The following GKAP1 variants were observed in gnomAD, a reference collection of about 807,000 sequenced individuals.
The protein encoded by GKAP1 is G kinase anchoring protein 1, also known as G kinase-anchoring protein 1.
Under a neutral mutation model 56.7 loss-of-function variants are expected in GKAP1, and 31 were observed. The observed-to-expected ratio is 0.55, with a 90% confidence interval of 0.41 to 0.74. GKAP1 has a LOEUF of 0.74. Ranked by LOEUF, GKAP1 falls within the 30% of genes least tolerant of loss-of-function variation. The pLI is 0.00. For synonymous variants in GKAP1, 151 were observed against 138.6 expected, an observed-to-expected ratio of 1.09 and a Z score of -0.63; for missense variants, 364 against 402.3, an observed-to-expected ratio of 0.90 and a Z score of 0.82.
intron 3 of GKAP1, among the ~76,000 whole-genome samples, chr9:83,802,953 C>A (rs921657409): frequency 1.3e-5 from 2 of 151,506 alleles, no homozygotes; most frequent in African/African-American, 4.9e-5. Context: ...ACCAAAAATA[C>A]AAAAAATTAG....
intron 3 of GKAP1, among the ~76,000 whole-genome samples, chr9:83,804,369 G>C (rs1239362312): frequency 1.1e-4 from 7 of 66,534 alleles, no homozygotes; most frequent in African/African-American, 1.8e-4. Context: ...CCCCCGCCCG[G>C]CCAGCCGCCC....
At position 83,801,563 on chromosome 9, in the gene GKAP1, G is replaced by A. The variant is rs1944332169; in HGVS notation, c.217-2235C>T. On this transcript the variant is annotated intron_variant, in intron 3 of 12. Coordinates refer to ENST00000376371, the MANE Select transcript of GKAP1 (RefSeq NM_025211.4). ...ATAGAAACACCACTGTAAGTAGCTG[G>A]TTTCTGATTTGGAAAGGACATTCAG... is the stretch of plus-strand genomic sequence containing the variant. 2.0e-5 allele frequency among the ~76,000 whole-genome samples: 3 copies of A among 152,248 alleles called. No individual in the cohort carries two copies. The South Asian group carries it at 6.2e-4, about 32-fold the overall frequency.
chr9:83,790,706 G>A (rs145671753), intron 4 of GKAP1, among the ~76,000 whole-genome samples: 2,064 of 152,096 alleles, frequency 0.014, 29 homozygotes, highest in Middle Eastern at 0.024. Flanking sequence ...CCAGCTACTC[G>A]GGAGGCTGAG....
intron 7 of GKAP1, among the ~76,000 whole-genome samples, chr9:83,779,612 T>TACACACACACAC (rs10546262): frequency 1.0e-4 from 13 of 127,380 alleles, no homozygotes; most frequent in East Asian, 6.8e-4. Flanking sequence ...TATACACATA[T>TACACACACACAC]ACACACACAC....
intron 4 of GKAP1, among the ~76,000 whole-genome samples, chr9:83,798,443 A>G (rs929532057): frequency 8.5e-5 from 13 of 152,232 alleles, no homozygotes; most frequent in African/African-American, 2.9e-4. Flanking sequence ...AATATCATGT[A>G]AACAGGTTAA....
At chr9:83,766,024 C>T (rs1943658099) in intron 8 of GKAP1, among the ~76,000 whole-genome samples, 1 of 152,140 alleles carries the variant, frequency 6.6e-6, no homozygotes, top group South Asian at 2.1e-4. Context: ...GCTGTGTCCC[C>T]ACCTGAATGT....
chr9:83,773,372 G>T (rs1406508299), intron 7 of GKAP1, among the ~76,000 whole-genome samples: 1 of 152,176 alleles, frequency 6.6e-6, no homozygotes, highest in African/African-American at 2.4e-5. Context: ...GAAGGTGGGA[G>T]TAGGGATTGA....
intron 3 of GKAP1, among the ~76,000 whole-genome samples, chr9:83,804,244 G>C (rs1265043221): frequency 1.3e-5 from 2 of 148,420 alleles, no homozygotes; most frequent in Admixed American, 1.3e-4. Flanking sequence ...GTCCGGGAGG[G>C]AGGTGGGGGG....
chr9:83,748,219 T>A, intron 10 of GKAP1, 90 bp downstream of exon 10: 1 of 808,894 alleles, frequency 1.2e-6, no homozygotes, highest in South Asian at 1.6e-5. Context: ...CAAACACTTT[T>A]GTTGAGTTGG....
chr9:83,790,630 A>T (rs1944139973), intron 4 of GKAP1, among the ~76,000 whole-genome samples: 1 of 132,958 alleles, frequency 7.5e-6, no homozygotes, highest in Admixed American at 8.9e-5. Flanking sequence ...AAAAAACAAA[A>T]CAAAACAAAA....
At chr9:83,790,173 A>G (rs556527135) in intron 4 of GKAP1, among the ~76,000 whole-genome samples, 2 of 152,348 alleles carry the variant, frequency 1.3e-5, no homozygotes, top group African/African-American at 4.8e-5. Context: ...CAGAAAAACA[A>G]TCGAATGCAG....
intron 4 of GKAP1, among the ~76,000 whole-genome samples, chr9:83,790,767 G>A (rs1944144252): frequency 6.6e-6 from 1 of 151,874 alleles, no homozygotes; most frequent in African/African-American, 2.4e-5. Flanking sequence ...AGCTGAGATT[G>A]CACCACTGCA....
chr9:83,772,579 GAC>G (rs1332307001), intron 7 of GKAP1, among the ~76,000 whole-genome samples: 22 of 152,102 alleles, frequency 1.4e-4, no homozygotes, highest in African/African-American at 1.4e-4. Flanking sequence ...TGCTTCAAAA[GAC>G]ACAATTAAAA....
At chr9:83,758,959 T>C (rs1251724711) in intron 8 of GKAP1, among the ~76,000 whole-genome samples, 1 of 152,108 alleles carries the variant, frequency 6.6e-6, no homozygotes, top group African/African-American at 2.4e-5. Flanking sequence ...ATGAATCCTC[T>C]TTTCTCTCCT....
chr9:83,780,486 A>G, intron 6 of GKAP1, 82 bp from the exon 7 acceptor site: 1 of 726,392 alleles, frequency 1.4e-6, no homozygotes, highest in South Asian at 1.9e-5. Context: ...AAAAAAACGA[A>G]ACTGAAAGAA....
Position 83,739,672 on chromosome 9 carries a change from G to A in GKAP1, c.*25C>T. 1 of 1,580,454 alleles carries A rather than the reference G, an allele frequency of 6.3e-7. No individual in the cohort carries two copies. ...CAAAATCCTGGAAGTTTTAAACTTT[G>A]TGTTGACTTCAAAGGCTAATGTAAT... On this transcript the variant is annotated 3_prime_UTR_variant, in exon 13 of 13. Coordinates refer to ENST00000376371, the MANE Select transcript of GKAP1 (RefSeq NM_025211.4).
chr9:83,775,768 G>A (rs754798981), intron 7 of GKAP1, among the ~76,000 whole-genome samples: 47 of 150,424 alleles, frequency 3.1e-4, no homozygotes, highest in Non-Finnish European at 5.8e-4. Context: ...CCAGCTACTC[G>A]GGAAGCTGAG....
intron 4 of GKAP1, among the ~76,000 whole-genome samples, chr9:83,795,234 A>G (rs1944225524): frequency 6.6e-6 from 1 of 152,082 alleles, no homozygotes; most frequent in African/African-American, 2.4e-5. Flanking sequence ...TTTTTTTAAA[A>G]ACAGCTTTAC....
Position 83,817,104 on chromosome 9 carries a change from CG to C in GKAP1, c.-153del, listed in dbSNP as rs1345072208. On this transcript the variant is annotated 5_prime_UTR_variant, in exon 2 of 13. Coordinates refer to ENST00000376371, the MANE Select transcript of GKAP1 (RefSeq NM_025211.4). ...AAATTGCGCTGGGCGAAACCTAACT[CG>C]GGCAGAGAAGCGGCTTCAAAACCTG... The C allele has an allele frequency of 6.6e-6, 1 of 152,174 alleles. No individual in the cohort carries two copies. The allele number at this position is 152,174 out of a possible 1,614,324, so 9.4% of individuals were successfully genotyped here.
Sources: allele counts gnomAD v4.1 joint callset (sites outside exome capture counted in the v4.1 genomes callset), GRCh38; gene constraint gnomAD v4.1.1; transcripts MANE v1.5; gene names NCBI Gene and HGNC (gene_info 2026-07-23, HGNC 2026-07-21).